FA2H: variants seen among roughly 807,000 people sequenced by gnomAD.
FA2H encodes the protein fatty acid 2-hydroxylase, also known as fatty acid alpha-hydroxylase.
In FA2H, 22 loss-of-function variants were observed where a neutral mutation model predicts 44.9. That is an observed-to-expected ratio of 0.49 (90% CI 0.35 to 0.70). The LOEUF (loss-of-function observed/expected upper bound fraction) is 0.70. FA2H is among the 30% of genes least tolerant of loss of function. The pLI is 0.01. For missense variants in FA2H, 501 were observed against 504.9 expected, an observed-to-expected ratio of 0.99 and a Z score of 0.07; for synonymous variants, 243 against 213.2, an observed-to-expected ratio of 1.14 and a Z score of -1.22.
chr16:74,740,618 CAAA>C (rs1180681151), intron 1 of FA2H, among the ~76,000 whole-genome samples: 1 of 82,546 alleles, frequency 1.2e-5, no homozygotes, highest in African/African-American at 4.3e-5. Flanking sequence ...GACTCCATCT[CAAA>C]ATAATAATAA....
At chr16:74,744,285 A>G (rs1445666958) in intron 1 of FA2H, among the ~76,000 whole-genome samples, 5 of 152,204 alleles carry the variant, frequency 3.3e-5, no homozygotes. Context: ...AAAGGCTTTT[A>G]GAAAGTTTCT....
intron 4 of FA2H, among the ~76,000 whole-genome samples, chr16:74,722,530 T>C (rs1961861869): frequency 6.6e-6 from 1 of 151,912 alleles, no homozygotes; most frequent in Non-Finnish European, 1.5e-5. Flanking sequence ...AGCAAGACCC[T>C]GTCTCAAAAA....
Position 74,774,661 on chromosome 16 carries a change from CG to C in FA2H, c.94del (p.Arg32AlafsTer67). On this transcript the variant is annotated frameshift_variant, in exon 1 of 7. Transcript: ENST00000219368. LOFTEE classifies it high-confidence loss of function. ...CACGAAGCTGGAGAGGTCGTAGAGG[CG>C]GGCCCCGCGGCGGACCCAGCACGCG... Reference protein sequence around the residue: ...AGACWVRRGARLYDLSSFVRH... With the variant: ...AGACWVRRGAXLYDLSSFVRH... The C allele has an allele frequency of 7.0e-7, 1 of 1,437,792 alleles. No homozygotes were observed. The highest frequency in any genetic ancestry group is 9.1e-7 in the Non-Finnish European group (1 of 1,098,724). The allele number at this position is 1,437,792 out of a possible 1,614,324, so 89.1% of individuals were successfully genotyped here. A position where few individuals can be genotyped will look rare whatever the true frequency, so the allele number is the denominator to read the frequency against.
chr16:74,731,292 G>A (rs542672325), intron 2 of FA2H, among the ~76,000 whole-genome samples: 51 of 143,528 alleles, frequency 3.6e-4, no homozygotes, highest in Non-Finnish European at 6.3e-4. Context: ...CCACCACCAC[G>A]TCTGGCTTTT....
chr16:74,734,422 C>T (rs374572970), intron 2 of FA2H, among the ~76,000 whole-genome samples: 4 of 152,228 alleles, frequency 2.6e-5, no homozygotes, highest in African/African-American at 4.8e-5. Flanking sequence ...TTCAAAGACC[C>T]GACCAACGGG....
chr16:74,738,190 G>C (rs1962218563), intron 2 of FA2H, among the ~76,000 whole-genome samples: 1 of 152,284 alleles, frequency 6.6e-6, no homozygotes, highest in East Asian at 1.9e-4. Context: ...GACACAGGAG[G>C]AAGGGGAGGA....
At chr16:74,771,614 G>A (rs944518120) in intron 1 of FA2H, among the ~76,000 whole-genome samples, 3 of 151,958 alleles carry the variant, frequency 2.0e-5, no homozygotes, top group Non-Finnish European at 4.4e-5. Flanking sequence ...GGGATTACAG[G>A]TATGAGCCAC....
chr16:74,774,752 C>A lies in FA2H; in HGVS notation c.4G>T (p.Ala2Ser). 1.5e-6 allele frequency: 2 copies of A among 1,305,048 alleles called. No homozygotes were observed. The highest frequency in any genetic ancestry group is 4.8e-5 in the South Asian group (2 of 41,778). The allele number at this position is 1,305,048 out of a possible 1,614,324, so 80.8% of individuals were successfully genotyped here. Reference sequence around the variant, plus strand: ...GAGGCGGCGGGGGGCGGAGCGGGGGCCATGGCCGGAGACCGCAGCTCCCAG... The same window carrying A: ...GAGGCGGCGGGGGGCGGAGCGGGGGACATGGCCGGAGACCGCAGCTCCCAG... M[A>S]PAPPPAASFS... Residue 2 changes from alanine (A) to serine (S), a missense_variant, in exon 1 of 7, where the codon GCC becomes TCC. Ala to Ser is a moderately conservative substitution (Grantham distance 99, BLOSUM62 1). Transcript: ENST00000219368.
At chr16:74,742,667 C>T (rs1962337012) in intron 1 of FA2H, among the ~76,000 whole-genome samples, 1 of 152,012 alleles carries the variant, frequency 6.6e-6, no homozygotes, top group African/African-American at 2.4e-5. Flanking sequence ...GACCCTGTCT[C>T]TATCAAAGAA....
chr16:74,716,749 G>A, intron 5 of FA2H, 150 bp from the exon 6 acceptor site: 1 of 816,384 alleles, frequency 1.2e-6, no homozygotes, highest in South Asian at 1.9e-5. Context: ...GGGGAGGGCG[G>A]GCCACCACGT....
chr16:74,733,611 G>T (rs1378636075), intron 2 of FA2H, among the ~76,000 whole-genome samples: 2 of 152,226 alleles, frequency 1.3e-5, no homozygotes, highest in East Asian at 3.8e-4. Flanking sequence ...GGTGCTGAGA[G>T]GTTCCAGGCC....
Position 74,716,611 on chromosome 16 carries a change from G to A in FA2H, c.787-12C>T. ...CCGTCGAAGGGTGCCTGCAGATGGA[G>A]AGGCTTGGGCATCAGGAGGCAGCCA... On this transcript the variant is annotated splice_polypyrimidine_tract_variant and intron_variant, in intron 5 of 6. Coordinates refer to ENST00000219368, the MANE Select transcript of FA2H (RefSeq NM_024306.5). 1 of 1,545,114 alleles carries A rather than the reference G, an allele frequency of 6.5e-7. No homozygotes were observed. The highest frequency in any genetic ancestry group is 1.2e-5 in the South Asian group (1 of 84,046).
At chr16:74,754,796 G>C (rs887954295) in intron 1 of FA2H, among the ~76,000 whole-genome samples, 1 of 151,596 alleles carries the variant, frequency 6.6e-6, no homozygotes, top group African/African-American at 2.4e-5. Flanking sequence ...CCAAAGTGCT[G>C]GGATTACATG....
intron 3 of FA2H, 41 bp from the exon 4 acceptor site, chr16:74,726,372 G>A (rs1219235134): frequency 8.0e-6 from 10 of 1,254,154 alleles, no homozygotes; most frequent in Non-Finnish European, 1.0e-5. Flanking sequence ...ACATGCACAG[G>A]AGCTTGACAG....
intron 1 of FA2H, among the ~76,000 whole-genome samples, chr16:74,773,774 G>T (rs904009862): frequency 6.6e-6 from 1 of 152,234 alleles, no homozygotes; most frequent in Non-Finnish European, 1.5e-5. Context: ...ATCGGGAGCT[G>T]GTACTGCACA....
At chr16:74,731,211 G>A (rs1212834907) in intron 2 of FA2H, among the ~76,000 whole-genome samples, 2 of 142,950 alleles carry the variant, frequency 1.4e-5, no homozygotes, top group Non-Finnish European at 3.0e-5. Flanking sequence ...TCGGCTCATC[G>A]TAACCTCCGT....
chr16:74,738,290 G>A (rs1188312652), intron 2 of FA2H, among the ~76,000 whole-genome samples: 2 of 152,176 alleles, frequency 1.3e-5, no homozygotes, highest in Non-Finnish European at 2.9e-5. Context: ...GCAGGGAGCA[G>A]TCCATGGGGG....
At chr16:74,759,805 C>G (rs1962673377) in intron 1 of FA2H, among the ~76,000 whole-genome samples, 1 of 152,180 alleles carries the variant, frequency 6.6e-6, no homozygotes, top group Admixed American at 6.5e-5. Flanking sequence ...CTGGACAGGA[C>G]TTGCATCTTG....
At chr16:74,725,522 A>G (rs1961933623) in intron 4 of FA2H, among the ~76,000 whole-genome samples, 1 of 152,176 alleles carries the variant, frequency 6.6e-6, no homozygotes, top group African/African-American at 2.4e-5. Flanking sequence ...CCCCAGCTAG[A>G]AGCTGGGGCG....
Sources: allele counts gnomAD v4.1 joint callset (sites outside exome capture counted in the v4.1 genomes callset), GRCh38; gene constraint gnomAD v4.1.1; transcripts MANE v1.5; gene names NCBI Gene and HGNC (gene_info 2026-07-23, HGNC 2026-07-21).